Variants in GNA14 observed in about 807,000 individuals in gnomAD.
GNA14 encodes the protein G protein subunit alpha 14.
A neutral mutation model predicts 42.0 loss-of-function variants in GNA14; 50 were observed. That is an observed-to-expected ratio of 1.19 (90% CI 0.95 to 1.51). The LOEUF is 1.51. GNA14 is among the 40% of genes most tolerant of loss of function. The pLI is 0.00. For synonymous variants in GNA14, 173 were observed against 163.1 expected, an observed-to-expected ratio of 1.06 and a Z score of -0.46; for missense variants, 473 against 446.2, an observed-to-expected ratio of 1.06 and a Z score of -0.54.
rs765788385 is a variant in GNA14, at chr9:77,647,676, G to A, written c.118C>T (p.Leu40=). Residue 40 remains leucine, a synonymous_variant, in exon 1 of 7, where the codon CTG becomes TTG. Coordinates refer to ENST00000341700, the MANE Select transcript of GNA14 (RefSeq NM_004297.4). ...CGGAGACGCAGCCACTCACCCAGCA[G>A]CAGCAGCTTAAGCTCACGGCGCGCG... ...KDARRELKLL[L]LGTGESGKST... 1.6e-5 allele frequency: 25 copies of A among 1,609,784 alleles called. No individual in the cohort carries two copies. The highest frequency in any genetic ancestry group is 3.4e-5 in the Admixed American group (2 of 59,500).
At chr9:77,430,099 T>G (rs1835520488) in intron 4 of GNA14, among the ~76,000 whole-genome samples, 1 of 152,232 alleles carries the variant, frequency 6.6e-6, no homozygotes, top group Non-Finnish European at 1.5e-5. Context: ...AATGACATGT[T>G]CATGGCTGGC....
intron 1 of GNA14, among the ~76,000 whole-genome samples, chr9:77,545,779 G>A (rs1171751748): frequency 1.3e-5 from 2 of 152,082 alleles, no homozygotes; most frequent in African/African-American, 4.8e-5. Context: ...TCTTCTCCCT[G>A]TTACTACTAT....
intron 2 of GNA14, among the ~76,000 whole-genome samples, chr9:77,468,111 T>A (rs2131719117): frequency 6.6e-6 from 1 of 151,464 alleles, no homozygotes; most frequent in Non-Finnish European, 1.5e-5. Flanking sequence ...AGCTGGGGAG[T>A]GGAGAGAAGC....
chr9:77,544,419 T>C (rs1341561468), intron 1 of GNA14, among the ~76,000 whole-genome samples: 1 of 152,098 alleles, frequency 6.6e-6, no homozygotes, highest in Non-Finnish European at 1.5e-5. Flanking sequence ...GAAGGGTCAG[T>C]AGGTTGGGCA....
chr9:77,503,905 C>T (rs1837016882), intron 2 of GNA14, among the ~76,000 whole-genome samples: 1 of 152,140 alleles, frequency 6.6e-6, no homozygotes, highest in Non-Finnish European at 1.5e-5. Flanking sequence ...TGGTTTTGAA[C>T]TCCTGACCTC....
intron 1 of GNA14, among the ~76,000 whole-genome samples, chr9:77,571,686 G>A (rs1239536784): frequency 6.6e-6 from 1 of 150,838 alleles, no homozygotes; most frequent in Non-Finnish European, 1.5e-5. Context: ...TGTAATACCA[G>A]CTACTCGAGA....
intron 1 of GNA14, among the ~76,000 whole-genome samples, chr9:77,624,535 T>A (rs764208438): frequency 6.6e-6 from 1 of 152,148 alleles, no homozygotes; most frequent in Non-Finnish European, 1.5e-5. Flanking sequence ...AGCTGGCATC[T>A]AGCAGATGCC....
At chr9:77,539,816 C>A (rs1837638128) in intron 1 of GNA14, among the ~76,000 whole-genome samples, 4 of 152,052 alleles carry the variant, frequency 2.6e-5, no homozygotes, top group Non-Finnish European at 5.9e-5. Context: ...TCATAATAAT[C>A]TCTGATGATC....
chr9:77,606,490 A>G (rs999922155), intron 1 of GNA14, among the ~76,000 whole-genome samples: 1 of 152,204 alleles, frequency 6.6e-6, no homozygotes, highest in Non-Finnish European at 1.5e-5. Flanking sequence ...CTCTCTTTTC[A>G]GGAAGTGAAT....
chr9:77,530,568 TA>T (rs1837511717), intron 1 of GNA14, among the ~76,000 whole-genome samples: 1 of 152,256 alleles, frequency 6.6e-6, no homozygotes, highest in African/African-American at 2.4e-5. Context: ...CCTAAGATTC[TA>T]ATTGGTTAAA....
intron 2 of GNA14, among the ~76,000 whole-genome samples, chr9:77,474,338 A>C (rs1836380702): frequency 6.6e-6 from 1 of 152,244 alleles, no homozygotes. Flanking sequence ...TAAAATGAAA[A>C]AAATTTGATT....
chr9:77,549,057 C>A (rs1317480299), intron 1 of GNA14, among the ~76,000 whole-genome samples: 1 of 152,120 alleles, frequency 6.6e-6, no homozygotes, highest in Non-Finnish European at 1.5e-5. Context: ...GCCTCAGCCT[C>A]CCGAGTAGCT....
At chr9:77,568,825 G>C (rs530027135) in intron 1 of GNA14, among the ~76,000 whole-genome samples, 1 of 152,306 alleles carries the variant, frequency 6.6e-6, no homozygotes, top group South Asian at 2.1e-4. Context: ...GCTGCCTTCA[G>C]CAAACCCCCT....
intron 1 of GNA14, among the ~76,000 whole-genome samples, chr9:77,625,488 A>G (rs1823999560): frequency 6.6e-6 from 1 of 152,182 alleles, no homozygotes; most frequent in South Asian, 2.1e-4. Context: ...CCAGAGAGAA[A>G]GGTCGGGTTA....
chr9:77,499,167 G>A (rs1836923609), intron 2 of GNA14, among the ~76,000 whole-genome samples: 1 of 152,022 alleles, frequency 6.6e-6, no homozygotes, highest in Admixed American at 6.6e-5. Flanking sequence ...TAACCCTTTA[G>A]CCTTGCCACC....
intron 1 of GNA14, among the ~76,000 whole-genome samples, chr9:77,627,727 T>C (rs1016803579): frequency 6.6e-6 from 1 of 152,280 alleles, no homozygotes; most frequent in Non-Finnish European, 1.5e-5. Flanking sequence ...AAACTAGGTA[T>C]TGATGGAACG....
chr9:77,439,601 C>T (rs117500779), intron 2 of GNA14, among the ~76,000 whole-genome samples: 10 of 152,332 alleles, frequency 6.6e-5, no homozygotes, highest in Non-Finnish European at 1.3e-4. Flanking sequence ...CGTGCCACCG[C>T]ACTTCGGCCT....
At chr9:77,508,028 C>A (rs939406720) in intron 2 of GNA14, among the ~76,000 whole-genome samples, 3 of 152,158 alleles carry the variant, frequency 2.0e-5, no homozygotes, top group Non-Finnish European at 4.4e-5. Context: ...TCAGCTCACT[C>A]TTATTAGTGG....
chr9:77,527,419 T>C (rs905979267), intron 2 of GNA14, among the ~76,000 whole-genome samples: 25 of 152,332 alleles, frequency 1.6e-4, no homozygotes, highest in Admixed American at 1.4e-3. Flanking sequence ...TGGGCCACAG[T>C]GCAGCCCAGG....
Sources: gnomAD v4.1 joint callset for allele counts (sites outside exome capture counted in the v4.1 genomes callset) on GRCh38, gnomAD v4.1.1 for gene constraint, MANE v1.5 for transcripts, NCBI Gene and HGNC (gene_info 2026-07-23, HGNC 2026-07-21) for gene names.